BAZ2A: variants seen among roughly 807,000 people sequenced by gnomAD.
The protein encoded by BAZ2A is bromodomain adjacent to zinc finger domain protein 2A.
In BAZ2A, 34 loss-of-function variants were observed where a neutral mutation model predicts 199.9. The ratio of observed to expected loss-of-function variants is 0.17; its 90% CI spans 0.13 to 0.23. BAZ2A has a LOEUF of 0.23. Among genes scored for constraint, BAZ2A ranks in the 10% least tolerant of loss-of-function variants. BAZ2A has a pLI of 1.00. For synonymous variants in BAZ2A, 857 were observed against 883.9 expected (o/e 0.97, Z 0.54); for missense variants, 2,002 against 2,391.1 (o/e 0.84, Z 3.39).
chr12:56,621,866 T>A (rs1442509389), intron 1 of BAZ2A, among the ~76,000 whole-genome samples: 1 of 152,034 alleles, frequency 6.6e-6, no homozygotes, highest in East Asian at 1.9e-4. Flanking sequence ...TTTTTAAATT[T>A]TTTTGTAGAC....
In BAZ2A at chr12:56,605,685, G is replaced by C. The variant is rs558864366; in HGVS notation, c.2493+145C>G. 6.9e-5 allele frequency: 65 copies of C among 945,172 alleles called. No individual in the cohort carries two copies. In the South Asian group the frequency reaches 1.1e-3, roughly 16 times the overall value. 58.5% of individuals were successfully genotyped at this position (945,172 alleles called of 1,614,324 possible). A position where few individuals can be genotyped will look rare whatever the true frequency, so the allele number is the denominator to read the frequency against. On this transcript the variant is annotated intron_variant, in intron 13 of 28. Transcript: ENST00000549884. ...GATCTGCCCGCCTCGGCCTCCCAAA[G>C]TGCTGGGATTACAGTGTGAGCCATG... is the stretch of plus-strand genomic sequence containing the variant.
At chr12:56,606,874 A>G in intron 10 of BAZ2A, 141 bp from the exon 11 acceptor site, 3 of 677,214 alleles carry the variant, frequency 4.4e-6, no homozygotes, top group African/African-American at 1.8e-5. Context: ...TTTTTTAAGT[A>G]TACATAATAA....
At chr12:56,608,371 C>CA (rs1312218418) in intron 10 of BAZ2A, among the ~76,000 whole-genome samples, 1,125 of 90,308 alleles carry the variant, frequency 0.012, 12 homozygotes, top group African/African-American at 0.034. Context: ...GACTCTGTCT[C>CA]AAAAAAAAAA....
At chr12:56,634,755 C>A (rs1253267058), upstream of BAZ2A, among the ~76,000 whole-genome samples, 1 of 152,148 alleles carries the variant, frequency 6.6e-6, no homozygotes, top group Non-Finnish European at 1.5e-5. Context: ...GCGTGAGAAG[C>A]CTCCGGATTC....
chr12:56,614,250 A>G, intron 3 of BAZ2A, 112 bp from the exon 4 acceptor site: 1 of 1,140,086 alleles, frequency 8.8e-7, no homozygotes, highest in Non-Finnish European at 1.3e-6. Context: ...TTCAACATTT[A>G]TTGCGGCCAG....
intron 1 of BAZ2A, among the ~76,000 whole-genome samples, chr12:56,622,253 T>C (rs921680821): frequency 6.6e-6 from 1 of 151,944 alleles, no homozygotes; most frequent in Non-Finnish European, 1.5e-5. Context: ...GGCAGGAGAA[T>C]TGCTTGAATC....
Position 56,603,682 on chromosome 12 carries a change from G to C in BAZ2A, c.3057C>G (p.Ala1019=), listed in dbSNP as rs912287512. The change falls in exon 17 of 29, where the codon GCC becomes GCG. Residue 1019 remains alanine, a synonymous_variant. Coordinates refer to ENST00000549884, the MANE Select transcript of BAZ2A (RefSeq NM_001300905.2). ...CTACTTCAGACCGCCCAGTTCGCTT[G>C]GCCAGAACAGTTTTCAGCCTTGAAA... ...GRLRRLKTVL[A]KRTGRSEVEM... 1 of 1,613,978 alleles carries C rather than the reference G, an allele frequency of 6.2e-7. No individual in the cohort carries two copies. Among genetic ancestry groups the C allele is most frequent in the Non-Finnish European group, 8.5e-7 (1 of 1,179,898 alleles).
chr12:56,633,252 A>G (rs1951361653), upstream of BAZ2A, among the ~76,000 whole-genome samples: 1 of 152,098 alleles, frequency 6.6e-6, no homozygotes, highest in Admixed American at 6.5e-5. Flanking sequence ...GAGGAGGAAG[A>G]GAGAGAAGGG....
In BAZ2A at chr12:56,617,441, G is replaced by T; in HGVS notation, c.90C>A (p.Gly30=). ...GLKPSPSSGE[G]LYTNGSPMNF... ...TCATGGGAGACCCGTTAGTGTAGAG[G>T]CCCTCCCCTGAGGAAGGAGAGGGTT... Residue 30 remains glycine, a synonymous_variant, in exon 2 of 29, where the codon GGC becomes GGA. Transcript: ENST00000549884. 2 of 1,606,242 alleles carry T rather than the reference G, an allele frequency of 1.2e-6. No individual in the cohort carries two copies. The highest frequency in any genetic ancestry group is 1.7e-6 in the Non-Finnish European group (2 of 1,176,472).
chr12:56,624,474 G>A (rs970875581), intron 1 of BAZ2A, among the ~76,000 whole-genome samples: 1 of 152,106 alleles, frequency 6.6e-6, no homozygotes, highest in Non-Finnish European at 1.5e-5. Flanking sequence ...CTAATTTAGT[G>A]CTAAGTATAC....
At chr12:56,605,612 A>T (rs1024387993) in intron 13 of BAZ2A, 1 of 623,112 alleles carries the variant, frequency 1.6e-6, no homozygotes, top group African/African-American at 1.9e-5. Context: ...TGTAGAGATG[A>T]GGTCTCGCCA....
upstream of BAZ2A, among the ~76,000 whole-genome samples, chr12:56,634,368 C>A (rs929708328): frequency 2.0e-5 from 3 of 152,112 alleles, no homozygotes; most frequent in African/African-American, 7.2e-5. Flanking sequence ...CAACCCTAGG[C>A]CCAGGAGGAG....
rs1251180951 is a variant in BAZ2A, at chr12:56,602,843, A to G, written c.3294T>C (p.Phe1098=). 1 of 1,612,080 alleles carries G rather than the reference A, an allele frequency of 6.2e-7. No individual in the cohort carries two copies. The highest frequency in any genetic ancestry group is 8.5e-7 in the Non-Finnish European group (1 of 1,178,586). Reference sequence around the variant, plus strand: ...GGGATGAGTGAAGCAGCTTTTTGCGAAAGAAAAGCTGACGCTGGGTAGACA... The same window carrying G: ...GGGATGAGTGAAGCAGCTTTTTGCGGAAGAAAAGCTGACGCTGGGTAGACA... ...IEKLSKRQLF[F]RKKLLHSSQM... is the part of the protein sequence containing the mutation. The change falls in exon 19 of 29, where the codon TTT becomes TTC. Residue 1098 remains phenylalanine (F), a synonymous_variant. Coordinates refer to ENST00000549884, the MANE Select transcript of BAZ2A (RefSeq NM_001300905.2).
upstream of BAZ2A, chr12:56,634,956 CCGGGCCGCAGGCGGCGG>C (rs1214958266): frequency 7.1e-6 from 7 of 985,080 alleles, no homozygotes; most frequent in African/African-American, 8.7e-5. Context: ...TGGAGCAGGG[CCGGGCCGCAGGCGGCGG>C]CGGCGGCGGC....
chr12:56,598,627 G>A lies in BAZ2A; in HGVS notation c.5703C>T (p.Ala1901=). The A allele has an allele frequency of 3.1e-6, 5 of 1,613,560 alleles. No homozygotes were observed. Among genetic ancestry groups the A allele is most frequent in the Non-Finnish European group, 4.2e-6 (5 of 1,179,812 alleles). Residue 1901 remains alanine (A), a synonymous_variant, in exon 29 of 29, where the codon GCC becomes GCT. Coordinates refer to ENST00000549884, the MANE Select transcript of BAZ2A (RefSeq NM_001300905.2). ...CCCCACCTCCCTTGCCTCACAGATT[G>A]GCCTGTTTTCCCTGATAAAACTCCT... is the stretch of plus-strand genomic sequence containing the variant. ...RWEEFYQGKQ[A]NL is the part of the protein sequence containing the mutation.
At chr12:56,625,781 CAGG>C (rs1951073141) in intron 1 of BAZ2A, among the ~76,000 whole-genome samples, 1 of 146,124 alleles carries the variant, frequency 6.8e-6, no homozygotes, top group Non-Finnish European at 1.5e-5. Flanking sequence ...GAGGCTGAGG[CAGG>C]AGAATGGCGT....
In BAZ2A at chr12:56,615,124, A is replaced by C. The variant is rs1328850261; in HGVS notation, c.620T>G (p.Val207Gly). The C allele has an allele frequency of 6.2e-7, 1 of 1,613,608 alleles. No individual in the cohort carries two copies. The highest frequency in any genetic ancestry group is 8.5e-7 in the Non-Finnish European group (1 of 1,179,820). The change falls in exon 3 of 29, where the codon GTA (valine) becomes GGA (glycine). Residue 207 changes from valine (V) to glycine (G), a missense_variant. Physicochemically the swap from Val to Gly is moderately radical, Grantham distance 109. This residue lies in a region of BAZ2A where 641 missense variants were observed against 694.5 expected (regional missense o/e 0.92). Transcript: ENST00000549884. ...CTCATCAGGATGGATACCACTGCCT[A>C]CCTCCTGGGAGGGTGCAAAGGTTTG... ...SIQTFAPSQE[V>G]GSGIHPDEAA...
chr12:56,629,726 G>A (rs550722809), intron 1 of BAZ2A, among the ~76,000 whole-genome samples: 28 of 152,210 alleles, frequency 1.8e-4, no homozygotes, highest in African/African-American at 6.0e-4. Flanking sequence ...CCCGCCAAGG[G>A]AACCCCCTCA....
chr12:56,610,594 C>A, intron 7 of BAZ2A, 77 bp from the exon 8 acceptor site: 1 of 1,297,986 alleles, frequency 7.7e-7, no homozygotes. Flanking sequence ...GCGAAGCCCT[C>A]TGAGCAGATG....
Sources: gnomAD v4.1 joint callset for allele counts (sites outside exome capture counted in the v4.1 genomes callset) on GRCh38, gnomAD v4.1.1 for gene constraint, gnomAD v4.1.1 regional missense constraint, MANE v1.5 for transcripts, NCBI Gene and HGNC (gene_info 2026-07-23, HGNC 2026-07-21) for gene names.